Variants in EXT1 observed in about 807,000 individuals in gnomAD.
The protein encoded by EXT1 is exostosin glycosyltransferase 1, also known as exostosin-1.
Under a neutral mutation model 82.5 loss-of-function variants are expected in EXT1, and 20 were observed. That is an observed-to-expected ratio of 0.24 (90% CI 0.17 to 0.35). EXT1 has a LOEUF of 0.35. Ranked by LOEUF, EXT1 falls within the 10% of genes least tolerant of loss-of-function variation. The probability of loss-of-function intolerance (pLI) is 1.00; values close to 1 mark genes in which losing one functional copy is unlikely to be tolerated. For synonymous variants in EXT1, 348 were observed against 350.8 expected (o/e 0.99, Z 0.09); for missense variants, 757 against 936.5 (o/e 0.81, Z 2.50).
At chr8:118,088,946 A>AC (rs1395622679) in intron 1 of EXT1, among the ~76,000 whole-genome samples, 2 of 152,108 alleles carry the variant, frequency 1.3e-5, no homozygotes, top group Non-Finnish European at 2.9e-5. Context: ...AAGGGGTCAC[A>AC]CCCCACCTTC....
intron 1 of EXT1, among the ~76,000 whole-genome samples, chr8:117,933,235 TA>T (rs139517695): frequency 1.5e-5 from 1 of 67,566 alleles, no homozygotes; most frequent in African/African-American, 7.9e-5. Flanking sequence ...TTCTGCTGGG[TA>T]TTTTTTTTTT....
intron 1 of EXT1, among the ~76,000 whole-genome samples, chr8:117,914,631 G>A (rs904295123): frequency 2.6e-5 from 4 of 152,106 alleles, no homozygotes; most frequent in African/African-American, 4.8e-5. Flanking sequence ...ATAAACGGCC[G>A]CTCTGGGAAT....
In EXT1 at chr8:118,002,296, G is replaced by A. The variant is rs145412738; in HGVS notation, c.962+107789C>T. On this transcript the variant is annotated intron_variant, in intron 1 of 10. Transcript: ENST00000378204. ...TGTGGGAGGCTGAGACAGGAGAACCGCTTGAGCCTGGGAGGCAGAGGTTGC... is the reference window on the plus strand; with the variant it reads ...TGTGGGAGGCTGAGACAGGAGAACCACTTGAGCCTGGGAGGCAGAGGTTGC... Among the ~76,000 whole-genome samples, 457 of 147,932 alleles carry A rather than the reference G, an allele frequency of 3.1e-3. 2 individuals are homozygous for A. The highest frequency in any genetic ancestry group is 0.026 in the South Asian group (124 of 4,680).
chr8:117,971,119 C>T (rs1814930633), intron 1 of EXT1, among the ~76,000 whole-genome samples: 1 of 152,168 alleles, frequency 6.6e-6, no homozygotes, highest in South Asian at 2.1e-4. Context: ...CGTGACCTCA[C>T]CTGTGCAGGC....
chr8:117,916,013 G>A (rs764879407), intron 1 of EXT1, among the ~76,000 whole-genome samples: 129 of 152,154 alleles, frequency 8.5e-4, no homozygotes, highest in East Asian at 9.6e-4. Context: ...ACAGGAAACC[G>A]TTGTCTTTTG....
chr8:117,976,911 G>C (rs1815076104), intron 1 of EXT1, among the ~76,000 whole-genome samples: 1 of 152,056 alleles, frequency 6.6e-6, no homozygotes, highest in Non-Finnish European at 1.5e-5. Context: ...GATGATGTCA[G>C]GGCGTTGGTA....
At chr8:117,967,765 G>A (rs1452535359) in intron 1 of EXT1, among the ~76,000 whole-genome samples, 2 of 152,196 alleles carry the variant, frequency 1.3e-5, no homozygotes, top group Non-Finnish European at 2.9e-5. Context: ...CTACAACAGT[G>A]CTGAGAGTTA....
chr8:118,015,189 G>C (rs1458742627), intron 1 of EXT1, among the ~76,000 whole-genome samples: 1 of 152,200 alleles, frequency 6.6e-6, no homozygotes, highest in African/African-American at 2.4e-5. Flanking sequence ...TGCTGGATCA[G>C]TAAGCTGCTT....
At chr8:117,918,673 C>T (rs1474480831) in intron 1 of EXT1, among the ~76,000 whole-genome samples, 4 of 152,260 alleles carry the variant, frequency 2.6e-5, no homozygotes, top group South Asian at 4.1e-4. Flanking sequence ...AAGTCCAGAG[C>T]GGGCGTGAGA....
At chr8:117,858,758 A>AGGC (rs1563581987) in intron 1 of EXT1, among the ~76,000 whole-genome samples, 28 of 54,868 alleles carry the variant, frequency 5.1e-4, no homozygotes, top group Admixed American at 2.0e-3. Flanking sequence ...GGAAGGAAGG[A>AGGC]AGGAAGGAAG....
chr8:117,902,284 C>T (rs1016707731), intron 1 of EXT1, among the ~76,000 whole-genome samples: 1 of 151,982 alleles, frequency 6.6e-6, no homozygotes. Flanking sequence ...TGAGTGCACT[C>T]TAAAAATAAC....
intron 1 of EXT1, among the ~76,000 whole-genome samples, chr8:117,858,849 GAAAGAAAGAAA>G (rs1812628947): frequency 4.6e-3 from 342 of 73,972 alleles, no homozygotes; most frequent in East Asian, 6.1e-3. Flanking sequence ...AGGAAGGAAA[GAAAGAAAGAAA>G]GAAAGAAAGA....
chr8:117,932,357 A>G (rs1814075774), intron 1 of EXT1, among the ~76,000 whole-genome samples: 1 of 152,212 alleles, frequency 6.6e-6, no homozygotes, highest in African/African-American at 2.4e-5. Flanking sequence ...GTAAATCTGA[A>G]AAGATATTTT....
intron 1 of EXT1, among the ~76,000 whole-genome samples, chr8:118,104,334 G>C (rs902502863): frequency 2.6e-5 from 4 of 152,218 alleles, no homozygotes; most frequent in Non-Finnish European, 5.9e-5. Context: ...TGAAATGAAT[G>C]CTAGTTATCC....
chr8:118,033,315 A>G (rs1816366224), intron 1 of EXT1, among the ~76,000 whole-genome samples: 1 of 152,232 alleles, frequency 6.6e-6, no homozygotes, highest in Non-Finnish European at 1.5e-5. Context: ...ATACCACACA[A>G]TCTGTACCAA....
chr8:117,852,259 T>C lies in EXT1; in HGVS notation c.963-15058A>G, dbSNP rs984812424. Among the ~76,000 whole-genome samples the C allele has an allele frequency of 8.0e-4, 122 of 152,304 alleles. 1 individual carries two copies. The highest frequency in any genetic ancestry group is 5.0e-4 in the Non-Finnish European group (34 of 68,006). On this transcript the variant is annotated intron_variant, in intron 1 of 10. Coordinates refer to ENST00000378204, the MANE Select transcript of EXT1 (RefSeq NM_000127.3). The stretch of plus-strand genomic sequence containing the variant: ...CATAATGCTTTTTGGAGATGTCCCA[T>C]TGGCTAGCTAAGTGAGCTCTGTCAT...
intron 1 of EXT1, among the ~76,000 whole-genome samples, chr8:117,845,183 A>G (rs1183150880): frequency 6.6e-6 from 1 of 152,144 alleles, no homozygotes; most frequent in East Asian, 1.9e-4. Context: ...TGAGGCATGA[A>G]ACCCCTATGG....
At chr8:118,057,143 C>T (rs1229764856) in intron 1 of EXT1, among the ~76,000 whole-genome samples, 1 of 152,204 alleles carries the variant, frequency 6.6e-6, no homozygotes, top group African/African-American at 2.4e-5. Context: ...ATAATAGATG[C>T]TCAACAGTTA....
rs867664035 is a variant in EXT1, at chr8:118,110,824, C to A, written c.223G>T (p.Asp75Tyr). Reference sequence around the variant, plus strand: ...CGGGGGGAAATGTGCACGCTGGAATCCTCGTTTTCCAATTGATCCCAAGGA... The same window carrying A: ...CGGGGGGAAATGTGCACGCTGGAATACTCGTTTTCCAATTGATCCCAAGGA... Reference protein sequence around the residue: ...FVPWDQLENEDSSVHISPRQK... With the variant: ...FVPWDQLENEYSSVHISPRQK... Residue 75 changes from aspartate (D) to tyrosine (Y), a missense_variant, in exon 1 of 11, where the codon GAT becomes TAT. By Grantham distance (160) the Asp-to-Tyr change is radical. Coordinates refer to ENST00000378204, the MANE Select transcript of EXT1 (RefSeq NM_000127.3). 6.2e-7 allele frequency: 1 copy of A among 1,612,710 alleles called. No individual in the cohort carries two copies. The highest frequency in any genetic ancestry group is 2.2e-5 in the East Asian group (1 of 44,866).
Sources: allele counts gnomAD v4.1 joint callset (sites outside exome capture counted in the v4.1 genomes callset), GRCh38; gene constraint gnomAD v4.1.1; transcripts MANE v1.5; gene names NCBI Gene and HGNC (gene_info 2026-07-23, HGNC 2026-07-21).